The following VGLL3 variants were observed in gnomAD, a reference collection of about 807,000 sequenced individuals.
VGLL3 encodes the protein transcription cofactor vestigial-like protein 3.
VGLL3 carries 18 observed loss-of-function variants against 29.2 expected under a neutral mutation model. That is an observed-to-expected ratio of 0.62 (90% CI 0.43 to 0.91). VGLL3 has a LOEUF of 0.91. VGLL3 is among the 40% of genes least tolerant of loss of function. The pLI is 0.00. For missense variants in VGLL3, 440 were observed against 413.2 expected (o/e 1.06, Z -0.56); for synonymous variants, 180 against 151.8 (o/e 1.19, Z -1.36).
rs181210107 is a variant in VGLL3 at position 86,951,735 on chromosome 3, C to A, written c.938-4668G>T. Reference sequence around the variant, plus strand: ...TACCTCAAACCCTGTTTTATCCCCCCCAAAAAATCTTAAAGCTCGCCTATG... The same window carrying A: ...TACCTCAAACCCTGTTTTATCCCCCACAAAAAATCTTAAAGCTCGCCTATG... On this transcript the variant is annotated intron_variant, in intron 3 of 3. Coordinates refer to ENST00000398399, the MANE Select transcript of VGLL3 (RefSeq NM_016206.4). Among the ~76,000 whole-genome samples the A allele has an allele frequency of 4.8e-3, 725 of 150,890 alleles. 3 individuals carry two copies. The highest frequency in any genetic ancestry group is 6.0e-3 in the Non-Finnish European group (410 of 67,792).
chr3:86,971,649 T>C (rs141794973), intron 2 of VGLL3, among the ~76,000 whole-genome samples: 4 of 152,200 alleles, frequency 2.6e-5, no homozygotes, highest in Non-Finnish European at 5.9e-5. Flanking sequence ...AATCGTCTCT[T>C]TGCAACATAT....
chr3:86,989,015 T>C (rs1229216256), intron 1 of VGLL3, among the ~76,000 whole-genome samples: 1 of 152,178 alleles, frequency 6.6e-6, no homozygotes, highest in Non-Finnish European at 1.5e-5. Flanking sequence ...TGGAGTCATT[T>C]CTTATTGAAA....
chr3:86,981,071 T>G (rs1288568699), intron 1 of VGLL3, among the ~76,000 whole-genome samples: 1 of 152,268 alleles, frequency 6.6e-6, no homozygotes, highest in African/African-American at 2.4e-5. Flanking sequence ...AAGTTTTATT[T>G]TATCCTTAAT....
chr3:86,982,403 C>A (rs1575879930), intron 1 of VGLL3, among the ~76,000 whole-genome samples: 2 of 152,158 alleles, frequency 1.3e-5, no homozygotes, highest in Non-Finnish European at 2.9e-5. Flanking sequence ...GCCTCAGCCT[C>A]CCAAAGTGCT....
chr3:86,953,443 G>A (rs1030250661), intron 3 of VGLL3, among the ~76,000 whole-genome samples: 2 of 152,010 alleles, frequency 1.3e-5, no homozygotes, highest in African/African-American at 4.8e-5. Flanking sequence ...GGTGTACAAA[G>A]TTGCTGTTAC....
At position 86,978,646 on chromosome 3, in the gene VGLL3, G is replaced by A; in HGVS notation, c.283C>T (p.Gln95Ter). 1 of 1,614,124 alleles carries A rather than the reference G, an allele frequency of 6.2e-7. No homozygotes were observed. ...NSRCVLFTYF[Q>*]GDIGSVVDEH... ...TCCACTACTGACCCAATGTCTCCCT[G>A]GAAATAAGTGAAAAGGACACAGCGA... is the stretch of plus-strand genomic sequence containing the variant. Residue 95 changes from glutamine to a stop codon, truncating the protein, a stop_gained, in exon 2 of 4, where the codon CAG becomes TAG. Coordinates refer to ENST00000398399, the MANE Select transcript of VGLL3 (RefSeq NM_016206.4). LOFTEE classifies it high-confidence loss of function.
At chr3:86,951,937 TATTAGAAAGAAC>T (rs1430098905) in intron 3 of VGLL3, among the ~76,000 whole-genome samples, 1 of 152,050 alleles carries the variant, frequency 6.6e-6, no homozygotes, top group Non-Finnish European at 1.5e-5. Flanking sequence ...AGTAGGCCAT[TATTAGAAAGAAC>T]ATTAGAAAGA....
At chr3:86,969,776 T>C (rs751571189) in intron 2 of VGLL3, among the ~76,000 whole-genome samples, 1 of 151,978 alleles carries the variant, frequency 6.6e-6, no homozygotes, top group Non-Finnish European at 1.5e-5. Flanking sequence ...CAATATTTAA[T>C]GACAGTATCA....
intron 1 of VGLL3, among the ~76,000 whole-genome samples, chr3:86,981,483 C>A (rs1705322994): frequency 6.6e-6 from 1 of 151,614 alleles, no homozygotes; most frequent in South Asian, 2.1e-4. Context: ...TCTTTATATT[C>A]TTTTTATTTC....
At chr3:86,962,730 C>T (rs984741150) in intron 3 of VGLL3, 7 of 693,954 alleles carry the variant, frequency 1.0e-5, no homozygotes, top group Admixed American at 6.3e-5. Flanking sequence ...AAAATTTGTA[C>T]ATGAGGGCTG....
rs1038046918 is a variant in VGLL3 at position 86,944,949 on chromosome 3, A to G, written c.*2075T>C. The G allele has an allele frequency of 6.6e-6, 1 of 152,192 alleles. No homozygotes were observed. Among genetic ancestry groups the G allele is most frequent in the Admixed American group, 6.5e-5 (1 of 15,290 alleles). 9.4% of individuals were successfully genotyped at this position (152,192 alleles called of 1,614,324 possible). ...TACTTGCCTTTGAAAACTCAGAAGG[A>G]CACAAGGCAAATCCAGATTTATAAA... On this transcript the variant is annotated 3_prime_UTR_variant, in exon 4 of 4. Transcript: ENST00000398399.
intron 2 of VGLL3, among the ~76,000 whole-genome samples, chr3:86,974,417 G>T (rs1705167004): frequency 6.6e-6 from 1 of 152,066 alleles, no homozygotes. Flanking sequence ...ACCACGCCCA[G>T]CTAGTTAGGT....
Position 86,942,345 on chromosome 3 carries a change from C to T in VGLL3, c.*4679G>A, listed in dbSNP as rs1035718418. The T allele has an allele frequency of 6.6e-6, 1 of 152,136 alleles. No individual in the cohort carries two copies. The highest frequency in any genetic ancestry group is 1.5e-5 in the Non-Finnish European group (1 of 68,020). The allele number at this position is 152,136 out of a possible 1,614,324, so 9.4% of individuals were successfully genotyped here. A position where few individuals can be genotyped will look rare whatever the true frequency, so the allele number is the denominator to read the frequency against. ...TGCAATGGCTCAAGTGAACTCCTTCCGTCTTCAATAACTGACACAGTGTCA... is the reference window on the plus strand; with the variant it reads ...TGCAATGGCTCAAGTGAACTCCTTCTGTCTTCAATAACTGACACAGTGTCA... On this transcript the variant is annotated 3_prime_UTR_variant, in exon 4 of 4. Coordinates refer to ENST00000398399, the MANE Select transcript of VGLL3 (RefSeq NM_016206.4).
intron 3 of VGLL3, among the ~76,000 whole-genome samples, chr3:86,955,380 C>CTTTT (rs67190879): frequency 3.5e-4 from 46 of 131,690 alleles, no homozygotes; most frequent in Middle Eastern, 4.4e-3. Flanking sequence ...CTCTCTCTCT[C>CTTTT]TTTTTTTTTT....
intron 2 of VGLL3, among the ~76,000 whole-genome samples, chr3:86,971,959 G>A (rs763605784): frequency 5.9e-5 from 9 of 152,082 alleles, no homozygotes; most frequent in Non-Finnish European, 1.2e-4. Flanking sequence ...GAAAACCGTT[G>A]AGCCCCAACC....
intron 3 of VGLL3, among the ~76,000 whole-genome samples, chr3:86,958,841 C>A (rs1205090459): frequency 2.0e-5 from 3 of 152,164 alleles, no homozygotes; most frequent in Admixed American, 1.3e-4. Context: ...CAACTAACAC[C>A]AATCAAGAGT....
At chr3:86,984,874 T>C (rs1381711522) in intron 1 of VGLL3, among the ~76,000 whole-genome samples, 1 of 152,160 alleles carries the variant, frequency 6.6e-6, no homozygotes. Context: ...CATTATAATC[T>C]CTAAGTGGCT....
intron 3 of VGLL3, among the ~76,000 whole-genome samples, chr3:86,966,486 T>A (rs146969842): frequency 7.2e-5 from 11 of 152,124 alleles, no homozygotes; most frequent in African/African-American, 2.6e-4. Flanking sequence ...AAACCCATGC[T>A]GACAAAGGGC....
intron 3 of VGLL3, among the ~76,000 whole-genome samples, chr3:86,947,325 A>AT (rs1229551554): frequency 6.6e-6 from 1 of 152,206 alleles, no homozygotes; most frequent in South Asian, 2.1e-4. Context: ...TATTTGCTAT[A>AT]TTTTTTATTT....
Sources: gnomAD v4.1 joint callset for allele counts (sites outside exome capture counted in the v4.1 genomes callset) on GRCh38, gnomAD v4.1.1 for gene constraint, MANE v1.5 for transcripts, NCBI Gene and HGNC (gene_info 2026-07-23, HGNC 2026-07-21) for gene names.